The following ZNF415 variants were observed in gnomAD, a reference collection of about 807,000 sequenced individuals.
ZNF415 encodes zinc finger protein 415.
In ZNF415, 5 loss-of-function variants were observed where a neutral mutation model predicts 7.3. That is an observed-to-expected ratio of 0.69 (90% CI 0.36 to 1.44). The LOEUF (loss-of-function observed/expected upper bound fraction) is 1.44, where lower values mean the gene tolerates loss of function less well. Ranked by LOEUF, ZNF415 falls within the 40% of genes most tolerant of loss-of-function variation. The pLI is 0.04. For missense variants in ZNF415, 628 were observed against 664.8 expected (o/e 0.94, Z 0.61); for synonymous variants, 207 against 226.3 (o/e 0.91, Z 0.77).
chr19:53,120,906 A>AGG, intron 2 of ZNF415, among the ~76,000 whole-genome samples: 2 of 151,728 alleles, frequency 1.3e-5, no homozygotes, highest in East Asian at 3.9e-4. Context: ...CTACACGGTG[A>AGG]AACCCCGTCT....
rs959097706 is a variant in ZNF415, at chr19:53,116,399, T to C, written c.50A>G (p.Gln17Arg). 6.2e-7 allele frequency: 1 copy of C among 1,614,098 alleles called. No individual in the cohort carries two copies. The highest frequency in any genetic ancestry group is 8.5e-7 in the Non-Finnish European group (1 of 1,179,992). The change falls in exon 3 of 4, where the codon CAA becomes CGA. Residue 17 changes from glutamine (Q) to arginine (R), a missense_variant. Transcript: ENST00000243643. ...TFRDVAIEFSQDEWKCLNSTQ... is the reference protein window; with the variant it reads ...TFRDVAIEFSRDEWKCLNSTQ... Reference sequence around the variant, plus strand: ...AGAGTTCAGGCATTTCCACTCATCTTGAGAGAATTCGATGGCCACGTCCCT... The same window carrying C: ...AGAGTTCAGGCATTTCCACTCATCTCGAGAGAATTCGATGGCCACGTCCCT...
intron 1 of ZNF415, among the ~76,000 whole-genome samples, chr19:53,123,350 A>C (rs1303682580): frequency 2.0e-5 from 3 of 152,160 alleles, no homozygotes; most frequent in African/African-American, 7.2e-5. Flanking sequence ...TGGAAGCAGA[A>C]AGAATCAAGA....
intron 1 of ZNF415, among the ~76,000 whole-genome samples, chr19:53,125,114 G>C (rs1439575660): frequency 6.6e-6 from 1 of 152,020 alleles, no homozygotes; most frequent in Admixed American, 6.6e-5. Flanking sequence ...CGTGATCTCG[G>C]CTCACTGCAA....
In ZNF415 at chr19:53,122,646, CA is replaced by C; in HGVS notation, c.15+15del. 6.2e-7 allele frequency: 1 copy of C among 1,614,146 alleles called. No individual in the cohort carries two copies. Among genetic ancestry groups the C allele is most frequent in the Non-Finnish European group, 8.5e-7 (1 of 1,180,012 alleles). On this transcript the variant is annotated intron_variant, in intron 2 of 3. Coordinates refer to ENST00000243643, the MANE Select transcript of ZNF415 (RefSeq NM_018355.4). ...AAAGAGGGAGACAGAATGATCCACA[CA>C]GAATCTTTCTTTACCTGAGTAAAAG... is the stretch of plus-strand genomic sequence containing the variant.
At chr19:53,129,393 T>C (rs1481329357) in intron 1 of ZNF415, among the ~76,000 whole-genome samples, 3 of 152,288 alleles carry the variant, frequency 2.0e-5, no homozygotes, top group East Asian at 1.9e-4. Flanking sequence ...GATGTCCTCA[T>C]ACAGAGAAAG....
At position 53,129,448 on chromosome 19, in the gene ZNF415, T is replaced by C. The variant is rs79733746; in HGVS notation, c.-68+3408A>G. 5.3e-3 allele frequency: 2,103 copies of C among 396,836 alleles called. 62 individuals carry two copies. The East Asian group carries it at 0.061, about 11-fold the overall frequency. The allele number at this position is 396,836 out of a possible 1,614,324, so 24.6% of individuals were successfully genotyped here. A position where few individuals can be genotyped will look rare whatever the true frequency, so the allele number is the denominator to read the frequency against. ...TGTCTGAGTCCCTGCTTCACATTCTTGTTTTCATTTTTAGAGGAAGAAATC... is the reference window on the plus strand; with the variant it reads ...TGTCTGAGTCCCTGCTTCACATTCTCGTTTTCATTTTTAGAGGAAGAAATC... On this transcript the variant is annotated intron_variant, in intron 1 of 3. Coordinates refer to ENST00000243643, the MANE Select transcript of ZNF415 (RefSeq NM_018355.4).
Position 53,109,893 on chromosome 19 carries a change from C to A in ZNF415, c.152G>T (p.Cys51Phe). ...TTGTGGTGCTAGTTCCTTGATTACA[C>A]AGTTACGAGACAGATCTATAAGAAA... is the stretch of plus-strand genomic sequence containing the variant. The part of the protein sequence containing the change: ...NLVSLDLSRN[C>F]VIKELAPQQE... Residue 51 changes from cysteine to phenylalanine, a missense_variant, in exon 4 of 4, where the codon TGT becomes TTT. Physicochemically the swap from Cys to Phe is radical, Grantham distance 205 (BLOSUM62 -2). Coordinates refer to ENST00000243643, the MANE Select transcript of ZNF415 (RefSeq NM_018355.4). 1 of 1,589,892 alleles carries A rather than the reference C, an allele frequency of 6.3e-7. No homozygotes were observed. The highest frequency in any genetic ancestry group is 8.5e-7 in the Non-Finnish European group (1 of 1,171,756).
At chr19:53,128,166 G>C (rs1364665227) in intron 1 of ZNF415, among the ~76,000 whole-genome samples, 1 of 152,042 alleles carries the variant, frequency 6.6e-6, no homozygotes, top group African/African-American at 2.4e-5. Flanking sequence ...TGCATGAAGA[G>C]CACACTAGGC....
intron 3 of ZNF415, chr19:53,115,378 G>A (rs375783324): frequency 6.1e-5 from 17 of 279,196 alleles, no homozygotes; most frequent in East Asian, 5.8e-4. Context: ...GAGAGACCAC[G>A]GGAGAAGTAG....
intron 1 of ZNF415, among the ~76,000 whole-genome samples, chr19:53,128,250 G>A (rs2146652949): frequency 6.6e-6 from 1 of 152,134 alleles, no homozygotes; most frequent in East Asian, 1.9e-4. Flanking sequence ...TGGGCCTCAA[G>A]TCTAGATTCT....
chr19:53,126,884 G>A (rs1415163951), intron 1 of ZNF415, among the ~76,000 whole-genome samples: 5 of 103,444 alleles, frequency 4.8e-5, no homozygotes, highest in Non-Finnish European at 8.4e-5. Flanking sequence ...CCAGGGCCCC[G>A]TGGCCCCTCT....
At chr19:53,121,779 C>T (rs1047389216) in intron 2 of ZNF415, among the ~76,000 whole-genome samples, 2 of 152,108 alleles carry the variant, frequency 1.3e-5, no homozygotes, top group African/African-American at 4.8e-5. Context: ...GAATAAAACG[C>T]CCTCTAGTAC....
intron 1 of ZNF415, chr19:53,124,303 T>C (rs1210746145): frequency 6.6e-6 from 1 of 152,330 alleles, no homozygotes; most frequent in Non-Finnish European, 1.5e-5. Flanking sequence ...AGTGCCAGCA[T>C]CTGCCTCTGA....
At chr19:53,111,230 C>T (rs962552476) in intron 3 of ZNF415, among the ~76,000 whole-genome samples, 6 of 151,808 alleles carry the variant, frequency 4.0e-5, no homozygotes, top group African/African-American at 4.8e-5. Flanking sequence ...GGACAGTCAG[C>T]GAGCCAGTAC....
Position 53,121,593 on chromosome 19 carries a change from A to C in ZNF415, c.15+1069T>G, listed in dbSNP as rs936463038. On this transcript the variant is annotated intron_variant, in intron 2 of 3. Transcript: ENST00000243643. ...CAGGCGTGCGCCACCACGCCTGGCT[A>C]ATTTTTGTATTTTTAGTAAAGACGG... Among the ~76,000 whole-genome samples, 85 of 151,512 alleles carry C rather than the reference A, an allele frequency of 5.6e-4. 3 individuals carry two copies. The highest frequency in any genetic ancestry group is 1.6e-4 in the Non-Finnish European group (11 of 67,928).
chr19:53,129,618 G>A, intron 1 of ZNF415: 1 of 399,576 alleles, frequency 2.5e-6, no homozygotes. Context: ...TCTGTTACAG[G>A]TGGGCTCACT....
intron 1 of ZNF415, among the ~76,000 whole-genome samples, chr19:53,125,076 A>G (rs1196339769): frequency 1.3e-5 from 2 of 151,544 alleles, no homozygotes; most frequent in Non-Finnish European, 2.9e-5. Context: ...ACGGAGTCTC[A>G]CTCTGTCACC....
intron 2 of ZNF415, among the ~76,000 whole-genome samples, chr19:53,121,077 CAAAAAAAAAA>C (rs58307730): frequency 9.4e-4 from 38 of 40,356 alleles, no homozygotes; most frequent in African/African-American, 4.0e-3. Context: ...GAGGAAGACT[CAAAAAAAAAA>C]AAAAAAAAAA....
chr19:53,131,652 T>C (rs935735637), intron 1 of ZNF415, among the ~76,000 whole-genome samples: 11 of 152,040 alleles, frequency 7.2e-5, no homozygotes, highest in Non-Finnish European at 1.6e-4. Context: ...TGAGCCCCTC[T>C]CCTCTCCTGC....
Sources: allele counts gnomAD v4.1 joint callset (sites outside exome capture counted in the v4.1 genomes callset), GRCh38; gene constraint gnomAD v4.1.1; transcripts MANE v1.5; gene names NCBI Gene and HGNC (gene_info 2026-07-23, HGNC 2026-07-21).